ROS1: variants seen among roughly 807,000 people sequenced by gnomAD.
ROS1 encodes ROS proto-oncogene 1, receptor tyrosine kinase, also known as proto-oncogene tyrosine-protein kinase ROS.
A neutral mutation model predicts 273.5 loss-of-function variants in ROS1; 263 were observed. That is an observed-to-expected ratio of 0.96 (90% confidence interval 0.87 to 1.06). The LOEUF is 1.06. ROS1 is among the 50% of genes least tolerant of loss of function. The pLI is 0.00. For synonymous variants in ROS1, 1,008 were observed against 954.1 expected (o/e 1.06, Z -1.04); for missense variants, 2,833 against 2,751.1 (o/e 1.03, Z -0.67).
chr6:117,361,521 C>A (rs1779802260), intron 22 of ROS1, among the ~76,000 whole-genome samples: 1 of 147,632 alleles, frequency 6.8e-6, no homozygotes, highest in Non-Finnish European at 1.5e-5. Context: ...CCATGGTGAC[C>A]AAAATTTGAA....
intron 43 of ROS1, among the ~76,000 whole-genome samples, chr6:117,289,899 A>G (rs535145683): frequency 6.6e-6 from 1 of 152,314 alleles, no homozygotes; most frequent in East Asian, 1.9e-4. Context: ...TAAGATGCCC[A>G]TAAGAATAAC....
intron 42 of ROS1, among the ~76,000 whole-genome samples, chr6:117,306,807 A>G (rs1775135972): frequency 6.6e-6 from 1 of 152,122 alleles, no homozygotes; most frequent in African/African-American, 2.4e-5. Context: ...GCCAGATTGA[A>G]TGGTATTGCT....
At position 117,309,795 on chromosome 6, in the gene ROS1, C is replaced by T. The variant is rs116964383; in HGVS notation, c.6416+286G>A. 2.5e-3 allele frequency among the ~76,000 whole-genome samples: 374 copies of T among 152,102 alleles called. 7 individuals are homozygous for T. The East Asian group carries it at 0.034, about 14-fold the overall frequency. On this transcript the variant is annotated intron_variant, in intron 41 of 43. Coordinates refer to ENST00000368507, the MANE Select transcript of ROS1 (RefSeq NM_001378902.1). ...CACTTGGACATTAATTCCTAAGTAC[C>T]AATTCCTATTAGTCATAGGCTTTTA...
intron 16 of ROS1, among the ~76,000 whole-genome samples, chr6:117,385,130 T>C (rs1237670762): frequency 6.6e-6 from 1 of 152,240 alleles, no homozygotes; most frequent in Admixed American, 6.5e-5. Flanking sequence ...TTTTGGAGCA[T>C]GCCATGTTCC....
rs772772410 is a variant in ROS1 at position 117,365,075 on chromosome 6, G to A, written c.3088C>T (p.Arg1030Ter). 18 of 1,613,520 alleles carry A rather than the reference G, an allele frequency of 1.1e-5. No homozygotes were observed. The highest frequency in any genetic ancestry group is 2.2e-5 in the South Asian group (2 of 90,988). The stretch of plus-strand genomic sequence containing the variant: ...ACCCCTGTACCTGTTTCAGGTGCTC[G>A]AAGTGACAGAGATGTTTTGGGGCCC... ...GKGPKTSLSL[R>*]APETVPSAPE... The change falls in exon 21 of 44, where the codon CGA (arginine) becomes TGA (stop). Residue 1030 changes from arginine to a stop codon, truncating the protein, a stop_gained. Coordinates refer to ENST00000368507, the MANE Select transcript of ROS1 (RefSeq NM_001378902.1). LOFTEE classifies it high-confidence loss of function.
chr6:117,359,705 T>C (rs1308334393), intron 24 of ROS1, 104 bp downstream of exon 24: 8 of 893,432 alleles, frequency 9.0e-6, no homozygotes, highest in African/African-American at 1.7e-5. Context: ...CTTTTCATTC[T>C]AATCTTAATG....
intron 1 of ROS1, among the ~76,000 whole-genome samples, chr6:117,418,950 T>A (rs1026310919): frequency 2.0e-5 from 3 of 152,184 alleles, no homozygotes; most frequent in African/African-American, 7.2e-5. Context: ...TTAAGAACTT[T>A]TTTATACTGG....
At position 117,403,268 on chromosome 6, in the gene ROS1, TG is replaced by T; in HGVS notation, c.474del (p.Arg159AspfsTer50). 1 of 1,612,044 alleles carries T rather than the reference TG, an allele frequency of 6.2e-7. No homozygotes were observed. The highest frequency in any genetic ancestry group is 2.2e-5 in the East Asian group (1 of 44,858). On this transcript the variant is annotated frameshift_variant, in exon 7 of 44. Coordinates refer to ENST00000368507, the MANE Select transcript of ROS1 (RefSeq NM_001378902.1). LOFTEE classifies it high-confidence loss of function. Reference protein sequence around the residue: ...LGSWTYTKTVSRPSYVVKPLH... With the variant: ...LGSWTYTKTVXRPSYVVKPLH... ...AGGGGCTTGACCACATAGGACGGTC[TG>T]GACACAGTCTAGATCAAGGAGTGAT...
At chr6:117,365,484 T>C (rs990375923) in intron 20 of ROS1, 97 bp downstream of exon 20, 2 of 1,045,128 alleles carry the variant, frequency 1.9e-6, no homozygotes, top group South Asian at 2.8e-5. Context: ...GAAGATGGGC[T>C]TGGCTAAGTC....
In ROS1 at chr6:117,358,014, A is replaced by G. The variant is rs773969137; in HGVS notation, c.3634-5T>C. On this transcript the variant is annotated splice_polypyrimidine_tract_variant and splice_region_variant and intron_variant, in intron 24 of 43. Coordinates refer to ENST00000368507, the MANE Select transcript of ROS1 (RefSeq NM_001378902.1). ...AACCAGTGAATCTTGGAAAAGCTTA[A>G]CAACAGGTAGAGAACACAGCCAAGA... is the stretch of plus-strand genomic sequence containing the variant. 5 of 1,603,468 alleles carry G rather than the reference A, an allele frequency of 3.1e-6. No individual in the cohort carries two copies. Among genetic ancestry groups the G allele is most frequent in the Non-Finnish European group, 3.4e-6 (4 of 1,170,872 alleles).
intron 13 of ROS1, 22 bp downstream of exon 13, chr6:117,389,328 A>T: frequency 6.3e-7 from 1 of 1,587,662 alleles, no homozygotes; most frequent in Non-Finnish European, 8.6e-7. Flanking sequence ...GCCAGTAACC[A>T]CACTGGGGAC....
Position 117,416,305 on chromosome 6 carries a change from A to T in ROS1, c.181T>A (p.Cys61Ser). Reference protein sequence around the residue: ...HNLSEPCIQGCHFWNSVDQKN... With the variant: ...HNLSEPCIQGSHFWNSVDQKN... ...TGATCTACAGAGTTCCAAAAGTGACATCCTTGGATACACTGCAAGAGACAA... is the reference window on the plus strand; with the variant it reads ...TGATCTACAGAGTTCCAAAAGTGACTTCCTTGGATACACTGCAAGAGACAA... The change falls in exon 3 of 44, where the codon TGT becomes AGT. Residue 61 changes from cysteine to serine, a missense_variant. Physicochemically the swap from Cys to Ser is moderately radical, Grantham distance 112 (BLOSUM62 -1). Coordinates refer to ENST00000368507, the MANE Select transcript of ROS1 (RefSeq NM_001378902.1). 6.2e-7 allele frequency: 1 copy of T among 1,602,556 alleles called. No homozygotes were observed. The highest frequency in any genetic ancestry group is 8.6e-7 in the Non-Finnish European group (1 of 1,169,540).
chr6:117,314,465 G>A (rs1562262473), intron 39 of ROS1, among the ~76,000 whole-genome samples: 1 of 152,024 alleles, frequency 6.6e-6, no homozygotes, highest in Non-Finnish European at 1.5e-5. Flanking sequence ...ACAAGAAGAA[G>A]GACTGAAAGC....
chr6:117,350,711 A>G (rs1215553813), intron 27 of ROS1, among the ~76,000 whole-genome samples: 1 of 49,304 alleles, frequency 2.0e-5, no homozygotes, highest in Non-Finnish European at 4.5e-5. Flanking sequence ...TTTTACCTTT[A>G]TAGTTTTGCA....
chr6:117,401,819 A>C (rs1476271825), intron 7 of ROS1, among the ~76,000 whole-genome samples: 1 of 151,476 alleles, frequency 6.6e-6, no homozygotes, highest in African/African-American at 2.4e-5. Context: ...AAAAAAAAAA[A>C]AAAAACAGGA....
At chr6:117,360,469 G>T in intron 22 of ROS1, 64 bp from the exon 23 acceptor site, 2 of 1,049,962 alleles carry the variant, frequency 1.9e-6, no homozygotes, top group Non-Finnish European at 2.9e-6. Context: ...TAAGTTCTGA[G>T]ACTGAGAGAT....
intron 39 of ROS1, among the ~76,000 whole-genome samples, chr6:117,315,749 A>G (rs1431360625): frequency 6.6e-6 from 1 of 152,150 alleles, no homozygotes; most frequent in Non-Finnish European, 1.5e-5. Context: ...CATGGACAAG[A>G]ATTGAGGAAG....
chr6:117,383,152 C>T (rs1233949901), intron 17 of ROS1, among the ~76,000 whole-genome samples, 165 bp downstream of exon 17: 6 of 116,238 alleles, frequency 5.2e-5, no homozygotes, highest in East Asian at 4.3e-4. Context: ...TCAAATAAGG[C>T]GCTTTTTTTT....
At chr6:117,329,218 A>T (rs2128592622) in intron 33 of ROS1, 111 bp downstream of exon 33, 1 of 653,998 alleles carries the variant, frequency 1.5e-6, no homozygotes. Flanking sequence ...TTAACTAAAG[A>T]TCTTTGTGTT....
Sources: allele counts gnomAD v4.1 joint callset (sites outside exome capture counted in the v4.1 genomes callset), GRCh38; gene constraint gnomAD v4.1.1; transcripts MANE v1.5; gene names NCBI Gene and HGNC (gene_info 2026-07-23, HGNC 2026-07-21).